Variants in PTGDR observed in about 807,000 individuals in gnomAD.
The protein encoded by PTGDR is PGD2 receptor.
A neutral mutation model predicts 17.4 loss-of-function variants in PTGDR; 19 were observed. The observed-to-expected ratio is 1.09, with a 90% CI of 0.76 to 1.60. The LOEUF (loss-of-function observed/expected upper bound fraction) is 1.60, where lower values mean the gene tolerates loss of function less well. Ranked by LOEUF, PTGDR falls within the 40% of genes most tolerant of loss-of-function variation. PTGDR has a pLI of 0.00. For missense variants in PTGDR, 526 were observed against 481.9 expected, an observed-to-expected ratio of 1.09 and a Z score of -0.86; for synonymous variants, 267 against 224.2, an observed-to-expected ratio of 1.19 and a Z score of -1.71.
At chr14:52,269,045 C>T (rs1169279766) in intron 1 of PTGDR, among the ~76,000 whole-genome samples, 2 of 152,094 alleles carry the variant, frequency 1.3e-5, no homozygotes, top group African/African-American at 4.8e-5. Flanking sequence ...TACTTCCCGA[C>T]GGCTGGGTGA....
chr14:52,271,334 C>T (rs957782342), intron 1 of PTGDR, among the ~76,000 whole-genome samples: 1 of 151,880 alleles, frequency 6.6e-6, no homozygotes, highest in Admixed American at 6.5e-5. Flanking sequence ...TATACTAAGG[C>T]AGTGGCTCTG....
At chr14:52,268,736 GA>G in intron 1 of PTGDR, 76 bp downstream of exon 1, 1 of 1,444,554 alleles carries the variant, frequency 6.9e-7, no homozygotes, top group Non-Finnish European at 9.3e-7. Context: ...GGGTGGAGCG[GA>G]TCGGGATGGA....
rs199999177 is a variant in PTGDR, at chr14:52,267,753, C to A, written c.-62C>A. 2.6e-5 allele frequency: 38 copies of A among 1,479,226 alleles called. No individual in the cohort carries two copies. The highest frequency in any genetic ancestry group is 4.6e-4 in the Middle Eastern group (2 of 4,330). The allele number at this position is 1,479,226 out of a possible 1,614,324, so 91.6% of individuals were successfully genotyped here. The stretch of plus-strand genomic sequence containing the variant: ...CGGAGCTGCCGGGGGCTCCTTAGCA[C>A]CCGGGCGCCGGGGCCCTCGCCCTTC... On this transcript the variant is annotated 5_prime_UTR_variant, in exon 1 of 2. Transcript: ENST00000306051.
rs41407349 is a variant in PTGDR at position 52,268,345 on chromosome 14, C to G, written c.531C>G (p.Tyr177Ter). 1.6e-3 allele frequency: 2,536 copies of G among 1,613,568 alleles called. 39 individuals carry two copies. The African/African-American group carries it at 0.031, about 19-fold the overall frequency. ...PFMGFGKFVQ[Y>*]CPGTWCFIQM... ...TGGGCTTCGGGAAGTTCGTGCAGTA[C>G]TGCCCCGGCACCTGGTGCTTTATCC... Residue 177 changes from tyrosine to a stop codon, truncating the protein, a stop_gained, in exon 1 of 2, where the codon TAC (tyrosine) becomes TAG (stop). Transcript: ENST00000306051. LOFTEE classifies it high-confidence loss of function.
In PTGDR at chr14:52,274,874, A is replaced by T. The variant is rs2033392686; in HGVS notation, c.990A>T (p.Val330=). The change falls in exon 2 of 2, where the codon GTA becomes GTT. Residue 330 remains valine (V), a synonymous_variant. Coordinates refer to ENST00000306051, the MANE Select transcript of PTGDR (RefSeq NM_000953.3). The part of the protein sequence containing the change: ...PWIFIIFRSP[V]FRIFFHKIFI... Reference sequence around the variant, plus strand: ...TTTTTATCATTTTCAGATCTCCAGTATTTCGGATATTTTTTCACAAGATTT... The same window carrying T: ...TTTTTATCATTTTCAGATCTCCAGTTTTTCGGATATTTTTTCACAAGATTT... 8 of 1,608,906 alleles carry T rather than the reference A, an allele frequency of 5.0e-6. No individual in the cohort carries two copies. Among genetic ancestry groups the T allele is most frequent in the Non-Finnish European group, 6.8e-6 (8 of 1,175,302 alleles).
At chr14:52,277,214 C>A (rs1281861153), downstream of PTGDR, among the ~76,000 whole-genome samples, 1 of 152,218 alleles carries the variant, frequency 6.6e-6, no homozygotes, top group Non-Finnish European at 1.5e-5. Flanking sequence ...CATAGAAATT[C>A]TCCATAGTAT....
Position 52,267,957 on chromosome 14 carries a change from G to A in PTGDR, c.143G>A (p.Trp48Ter), listed in dbSNP as rs41533946. The change falls in exon 1 of 2, where the codon TGG (tryptophan) becomes TAG (stop). Residue 48 changes from tryptophan to a stop codon, truncating the protein, a stop_gained. Transcript: ENST00000306051. LOFTEE classifies it high-confidence loss of function. ...CTGCTGGCGCGCTCGGGGCTGGGGTGGTGCTCGCGGCGTCCACTGCGCCCG... is the reference window on the plus strand; with the variant it reads ...CTGCTGGCGCGCTCGGGGCTGGGGTAGTGCTCGCGGCGTCCACTGCGCCCG... ...LGLLARSGLGWCSRRPLRPLP... is the reference protein window; with the variant it reads ...LGLLARSGLG 2.2e-4 allele frequency: 358 copies of A among 1,609,476 alleles called. 1 individual carries two copies. In the African/African-American group the frequency reaches 4.2e-3, roughly 19 times the overall value.
chr14:52,271,670 A>G (rs2033325642), intron 1 of PTGDR, among the ~76,000 whole-genome samples: 1 of 152,234 alleles, frequency 6.6e-6, no homozygotes, highest in African/African-American at 2.4e-5. Context: ...CCACCTTAAA[A>G]GGTCTAGAAA....
At chr14:52,280,142 T>C (rs1302452820), downstream of PTGDR, among the ~76,000 whole-genome samples, 1 of 152,212 alleles carries the variant, frequency 6.6e-6, no homozygotes, top group Non-Finnish European at 1.5e-5. Flanking sequence ...AAGATTAGTC[T>C]AGCGGTGCGT....
chr14:52,270,618 T>TA (rs2033307107), intron 1 of PTGDR, among the ~76,000 whole-genome samples: 1 of 152,262 alleles, frequency 6.6e-6, no homozygotes. Flanking sequence ...TTCTCCCATG[T>TA]TATATTAGTA....
At position 52,274,067 on chromosome 14, in the gene PTGDR, A is replaced by G. The variant is rs555270129; in HGVS notation, c.847-664A>G. Among the ~76,000 whole-genome samples, 42 of 151,542 alleles carry G rather than the reference A, an allele frequency of 2.8e-4. No homozygotes were observed. In the Middle Eastern group the frequency reaches 0.01, roughly 37 times the overall value. On this transcript the variant is annotated intron_variant, in intron 1 of 1. Coordinates refer to ENST00000306051, the MANE Select transcript of PTGDR (RefSeq NM_000953.3). ...TTTTGTGCATGTTTTTGCCTTCTAG[A>G]TTGAACAAGAAAAAAAAAAAGGATG...
At chr14:52,278,587 G>A (rs1409264562), downstream of PTGDR, among the ~76,000 whole-genome samples, 1 of 151,904 alleles carries the variant, frequency 6.6e-6, no homozygotes, top group Non-Finnish European at 1.5e-5. Flanking sequence ...TGCACGTTGT[G>A]CACAGGTACC....
chr14:52,279,446 G>A (rs1490585261), downstream of PTGDR, among the ~76,000 whole-genome samples: 1 of 152,182 alleles, frequency 6.6e-6, no homozygotes, highest in Non-Finnish European at 1.5e-5. Flanking sequence ...TGTTAACATT[G>A]TAAAAACAAC....
chr14:52,268,288 CT>C lies in PTGDR; in HGVS notation c.476del (p.Phe159SerfsTer111), dbSNP rs1566481289. On this transcript the variant is annotated frameshift_variant, in exon 1 of 2. Coordinates refer to ENST00000306051, the MANE Select transcript of PTGDR (RefSeq NM_000953.3). LOFTEE classifies it high-confidence loss of function. The stretch of plus-strand genomic sequence containing the variant: ...CACTGGTGGCCCCGGTGGTGAGCGC[CT>C]TCTCCCTGGCTTTCTGCGCGCTACC... ...GALVAPVVSA[F>X]SLAFCALPFM... 1 of 1,613,996 alleles carries C rather than the reference CT, an allele frequency of 6.2e-7. No individual in the cohort carries two copies. The highest frequency in any genetic ancestry group is 8.5e-7 in the Non-Finnish European group (1 of 1,180,044).
rs1257354516 is a variant in PTGDR at position 52,276,560 on chromosome 14, G to A, written c.*1596G>A. ...TGATGAAAAAAATACAGTTGTTTTT[G>A]AAATTTAACTTTTGTTTGTACCTTC... On this transcript the variant is annotated 3_prime_UTR_variant, in exon 2 of 2. Coordinates refer to ENST00000306051, the MANE Select transcript of PTGDR (RefSeq NM_000953.3). 6.6e-6 allele frequency: 1 copy of A among 152,130 alleles called. No homozygotes were observed. Among genetic ancestry groups the A allele is most frequent in the Non-Finnish European group, 1.5e-5 (1 of 68,014 alleles). 9.4% of individuals were successfully genotyped at this position (152,130 alleles called of 1,614,324 possible). A position where few individuals can be genotyped will look rare whatever the true frequency, so the allele number is the denominator to read the frequency against.
In PTGDR at chr14:52,271,545, G is replaced by C. The variant is rs568729711; in HGVS notation, c.846+2885G>C. 2.0e-5 allele frequency among the ~76,000 whole-genome samples: 3 copies of C among 152,320 alleles called. No individual in the cohort carries two copies. In the South Asian group the frequency reaches 6.2e-4, roughly 32 times the overall value. On this transcript the variant is annotated intron_variant, in intron 1 of 1. Coordinates refer to ENST00000306051, the MANE Select transcript of PTGDR (RefSeq NM_000953.3). ...AAGGAAAATGTGGGGATTTCACAAT[G>C]ATTTGATGACAATAAGGTTACAGAG...
In PTGDR at chr14:52,268,675, C is replaced by T. The variant is rs1163742844; in HGVS notation, c.846+15C>T. ...TGCCCGTAATTGTGAGTCCCCGGGC[C>T]CCGAGGCAGCAGGGCACTGAGACTG... On this transcript the variant is annotated intron_variant, in intron 1 of 1. Transcript: ENST00000306051. 6.4e-7 allele frequency: 1 copy of T among 1,551,680 alleles called. No homozygotes were observed. Among genetic ancestry groups the T allele is most frequent in the Non-Finnish European group, 8.7e-7 (1 of 1,146,708 alleles).
chr14:52,277,159 C>T (rs568915592), downstream of PTGDR, among the ~76,000 whole-genome samples: 23 of 152,286 alleles, frequency 1.5e-4, no homozygotes, highest in Non-Finnish European at 2.5e-4. Flanking sequence ...ATGAGTTGCT[C>T]GTTGTCCACT....
intron 1 of PTGDR, among the ~76,000 whole-genome samples, chr14:52,272,574 T>C (rs1159593461): frequency 1.3e-5 from 2 of 152,190 alleles, no homozygotes; most frequent in Middle Eastern, 3.2e-3. Flanking sequence ...TGAAATAATG[T>C]TGTTGCCACC....
Sources: gnomAD v4.1 joint callset for allele counts (sites outside exome capture counted in the v4.1 genomes callset) on GRCh38, gnomAD v4.1.1 for gene constraint, MANE v1.5 for transcripts, NCBI Gene and HGNC (gene_info 2026-07-23, HGNC 2026-07-21) for gene names.